Variants in METTL25 observed in about 807,000 individuals in gnomAD.
METTL25 encodes the protein methyltransferase like 25.
In METTL25, 64 loss-of-function variants were observed where a neutral mutation model predicts 71.6. The observed-to-expected ratio is 0.89, with a 90% confidence interval of 0.73 to 1.10. METTL25 has a LOEUF of 1.10. Ranked by LOEUF, METTL25 falls within the 50% of genes least tolerant of loss-of-function variation. The pLI is 0.00. For synonymous variants in METTL25, 287 were observed against 250.3 expected, an observed-to-expected ratio of 1.15 and a Z score of -1.38; for missense variants, 807 against 707.0, an observed-to-expected ratio of 1.14 and a Z score of -1.60.
chr12:82,392,342 G>A (rs1885674251), intron 3 of METTL25, among the ~76,000 whole-genome samples: 1 of 149,322 alleles, frequency 6.7e-6, no homozygotes, highest in Admixed American at 6.8e-5. Context: ...ACCTATGAGT[G>A]AGAATATGTG....
chr12:82,420,215 A>G (rs1304980993), intron 5 of METTL25, among the ~76,000 whole-genome samples: 1 of 152,178 alleles, frequency 6.6e-6, no homozygotes, highest in Non-Finnish European at 1.5e-5. Flanking sequence ...TATTAGTCAA[A>G]GGGTACAAAG....
At chr12:82,447,246 AT>A (rs1394724097) in intron 8 of METTL25, among the ~76,000 whole-genome samples, 1 of 152,168 alleles carries the variant, frequency 6.6e-6, no homozygotes, top group African/African-American at 2.4e-5. Flanking sequence ...CTAATTATAT[AT>A]ATATTAGACA....
chr12:82,358,535 G>T lies in METTL25; in HGVS notation c.-31G>T. The T allele has an allele frequency of 6.2e-7, 1 of 1,602,642 alleles. No individual in the cohort carries two copies. On this transcript the variant is annotated 5_prime_UTR_variant, in exon 1 of 12. Transcript: ENST00000248306. ...GAGCTGGCGCCTCACGGCCATGTTT[G>T]CGCCACCTACAGCCTCGGAGGGTGA...
chr12:82,360,289 G>C (rs1447991781), intron 1 of METTL25, among the ~76,000 whole-genome samples: 2 of 152,050 alleles, frequency 1.3e-5, no homozygotes, highest in East Asian at 3.8e-4. Context: ...ATACCCTGTA[G>C]TGTGCTAAGT....
At chr12:82,360,490 A>G (rs185702079) in intron 1 of METTL25, among the ~76,000 whole-genome samples, 38 of 151,724 alleles carry the variant, frequency 2.5e-4, no homozygotes, top group Non-Finnish European at 5.2e-4. Flanking sequence ...TATACTAGAT[A>G]AGGGAGGAGT....
intron 5 of METTL25, among the ~76,000 whole-genome samples, chr12:82,412,635 G>A (rs1199688593): frequency 6.6e-6 from 1 of 152,066 alleles, no homozygotes; most frequent in Non-Finnish European, 1.5e-5. Context: ...GCTCATTTAA[G>A]CTGCAAATCA....
At chr12:82,477,476 T>G in intron 11 of METTL25, 124 bp downstream of exon 11, 1 of 469,188 alleles carries the variant, frequency 2.1e-6, no homozygotes, top group South Asian at 4.4e-5. Context: ...TCATTATATT[T>G]TCATAGTTTA....
intron 9 of METTL25, among the ~76,000 whole-genome samples, chr12:82,460,258 A>C (rs1891774259): frequency 1.3e-5 from 2 of 152,202 alleles, no homozygotes; most frequent in African/African-American, 4.8e-5. Flanking sequence ...AAATTGAATA[A>C]ATAAATACAT....
intron 1 of METTL25, among the ~76,000 whole-genome samples, chr12:82,381,946 A>T (rs558198805): frequency 6.6e-6 from 1 of 152,330 alleles, no homozygotes; most frequent in Admixed American, 6.5e-5. Context: ...TACAGTAGTG[A>T]TGTGGGAGGG....
At chr12:82,421,057 T>A (rs1888439102) in intron 5 of METTL25, among the ~76,000 whole-genome samples, 1 of 152,158 alleles carries the variant, frequency 6.6e-6, no homozygotes, top group African/African-American at 2.4e-5. Context: ...AGACGGGGTT[T>A]CGCCATGTTG....
chr12:82,403,267 G>A, intron 5 of METTL25, 137 bp downstream of exon 5: 1 of 765,678 alleles, frequency 1.3e-6, no homozygotes, highest in Non-Finnish European at 2.0e-6. Context: ...TGACTTACTT[G>A]CACTTTTAGT....
At chr12:82,404,685 C>G (rs1399799382) in intron 5 of METTL25, among the ~76,000 whole-genome samples, 1 of 152,034 alleles carries the variant, frequency 6.6e-6, no homozygotes, top group Non-Finnish European at 1.5e-5. Flanking sequence ...TTTAGAGACA[C>G]TAATGCCAGC....
chr12:82,425,002 C>T (rs556339945), intron 5 of METTL25, among the ~76,000 whole-genome samples: 2 of 152,074 alleles, frequency 1.3e-5, no homozygotes, highest in South Asian at 4.2e-4. Flanking sequence ...TGTCTTAAGC[C>T]ATCCAGTTTG....
At chr12:82,457,948 G>A (rs1045692987) in intron 9 of METTL25, among the ~76,000 whole-genome samples, 10 of 151,960 alleles carry the variant, frequency 6.6e-5, no homozygotes, top group Non-Finnish European at 1.0e-4. Flanking sequence ...GTCTTACCTA[G>A]TGCAAACCTT....
At chr12:82,372,331 T>C (rs6539669) in intron 1 of METTL25, among the ~76,000 whole-genome samples, 140,602 of 152,114 alleles carry the variant, frequency 0.92, 65,298 homozygotes, top group East Asian at 1. Flanking sequence ...TTGTGGTCCT[T>C]TGGAGAGTTC....
chr12:82,378,265 A>G (rs1335120383), intron 1 of METTL25, among the ~76,000 whole-genome samples: 1 of 152,112 alleles, frequency 6.6e-6, no homozygotes, highest in Non-Finnish European at 1.5e-5. Context: ...TAGGTTGGGT[A>G]TTTTACTTGT....
intron 3 of METTL25, among the ~76,000 whole-genome samples, chr12:82,390,689 C>T (rs1056346376): frequency 1.8e-4 from 27 of 152,018 alleles, no homozygotes; most frequent in Non-Finnish European, 3.7e-4. Flanking sequence ...TGCAGAGCCA[C>T]TTGTGGCAAC....
chr12:82,369,679 C>T, intron 1 of METTL25: 1 of 233,414 alleles, frequency 4.3e-6, no homozygotes, highest in Non-Finnish European at 8.6e-6. Context: ...GAGCGGGTTG[C>T]TGCTGTTGGC....
chr12:82,442,084 C>T (rs1462601247), intron 8 of METTL25, among the ~76,000 whole-genome samples: 5 of 152,018 alleles, frequency 3.3e-5, no homozygotes, highest in Admixed American at 6.6e-5. Flanking sequence ...TGACACCCCT[C>T]GTTTCCCCTA....
Sources: allele counts gnomAD v4.1 joint callset (sites outside exome capture counted in the v4.1 genomes callset), GRCh38; gene constraint gnomAD v4.1.1; transcripts MANE v1.5; gene names NCBI Gene and HGNC (gene_info 2026-07-23, HGNC 2026-07-21).